The following CPA6 variants were observed in gnomAD, a reference collection of about 807,000 sequenced individuals.
CPA6 encodes the protein carboxypeptidase A6, also known as carboxypeptidase B.
Under a neutral mutation model 63.3 loss-of-function variants are expected in CPA6, and 58 were observed. That is an observed-to-expected ratio of 0.92 (90% CI 0.74 to 1.14). The LOEUF (loss-of-function observed/expected upper bound fraction) is 1.14, where lower values mean the gene tolerates loss of function less well. Ranked by LOEUF, CPA6 falls within the 50% of genes most tolerant of loss-of-function variation. CPA6 has a pLI of 0.00. For missense variants in CPA6, 565 were observed against 526.6 expected (o/e 1.07, Z -0.71); for synonymous variants, 185 against 179.0 (o/e 1.03, Z -0.27).
At chr8:67,710,937 A>C (rs141710445) in intron 1 of CPA6, among the ~76,000 whole-genome samples, 11 of 152,366 alleles carry the variant, frequency 7.2e-5, no homozygotes, top group African/African-American at 2.6e-4. Flanking sequence ...CCATTGTCTT[A>C]GTAATAAAAA....
At chr8:67,494,253 T>C (rs573978466) in intron 6 of CPA6, among the ~76,000 whole-genome samples, 1 of 152,310 alleles carries the variant, frequency 6.6e-6, no homozygotes, top group South Asian at 2.1e-4. Context: ...TTCTTCATCA[T>C]TAAATACTAT....
chr8:67,524,613 C>CTTTTTTTTTTTTTT (rs71554611), intron 2 of CPA6, among the ~76,000 whole-genome samples: 1 of 149,820 alleles, frequency 6.7e-6, no homozygotes, highest in Non-Finnish European at 1.5e-5. Flanking sequence ...TTTGAAAAAA[C>CTTTTTTTTTTTTTT]TTTTTTTGTT....
At chr8:67,646,211 C>G (rs384021) in intron 1 of CPA6, among the ~76,000 whole-genome samples, 2 of 152,246 alleles carry the variant, frequency 1.3e-5, no homozygotes, top group Non-Finnish European at 2.9e-5. Context: ...ACTCCAGTTT[C>G]TAGGAGTTCT....
At chr8:67,679,204 T>C (rs767190355) in intron 1 of CPA6, among the ~76,000 whole-genome samples, 2 of 152,150 alleles carry the variant, frequency 1.3e-5, no homozygotes, top group African/African-American at 2.4e-5. Flanking sequence ...GTTATACCCA[T>C]AAAAAGTTGA....
chr8:67,490,432 T>G (rs1811578856), intron 6 of CPA6, among the ~76,000 whole-genome samples: 1 of 152,196 alleles, frequency 6.6e-6, no homozygotes. Flanking sequence ...AGTCGGGATC[T>G]GAAAGCCAGT....
At chr8:67,558,118 A>G (rs1813110991) in intron 2 of CPA6, among the ~76,000 whole-genome samples, 1 of 152,090 alleles carries the variant, frequency 6.6e-6, no homozygotes, top group Non-Finnish European at 1.5e-5. Context: ...GTTTATTTCC[A>G]TCAAACAGCT....
chr8:67,623,348 T>C (rs1245543919), intron 2 of CPA6, among the ~76,000 whole-genome samples: 2 of 152,104 alleles, frequency 1.3e-5, no homozygotes, highest in Non-Finnish European at 2.9e-5. Context: ...AACTCTCTCA[T>C]GAAATTTACA....
intron 1 of CPA6, among the ~76,000 whole-genome samples, chr8:67,633,442 G>A (rs1297090759): frequency 6.6e-6 from 1 of 152,160 alleles, no homozygotes. Flanking sequence ...AGCACTTTGG[G>A]AGGCCAAGGC....
chr8:67,496,642 C>A (rs897466236), intron 6 of CPA6, among the ~76,000 whole-genome samples: 2 of 149,022 alleles, frequency 1.3e-5, no homozygotes, highest in Admixed American at 6.7e-5. Flanking sequence ...CAGATTGCAA[C>A]CTCCGCCTCC....
intron 1 of CPA6, among the ~76,000 whole-genome samples, chr8:67,705,523 C>T (rs1817115678): frequency 6.6e-6 from 1 of 152,150 alleles, no homozygotes; most frequent in Admixed American, 6.5e-5. Context: ...TTTAAGGGAC[C>T]AATTACCATT....
intron 1 of CPA6, among the ~76,000 whole-genome samples, chr8:67,660,490 C>T (rs560380738): frequency 1.3e-4 from 19 of 141,166 alleles, no homozygotes; most frequent in African/African-American, 4.4e-4. Flanking sequence ...GCATCATGCC[C>T]GGCTCATTTT....
chr8:67,694,853 G>A (rs536185725), intron 1 of CPA6, among the ~76,000 whole-genome samples: 85 of 152,242 alleles, frequency 5.6e-4, no homozygotes, highest in African/African-American at 1.9e-3. Flanking sequence ...CTGGTTATTC[G>A]CTTTGCTTGG....
chr8:67,606,083 C>CA (rs869258101), intron 2 of CPA6, among the ~76,000 whole-genome samples: 1 of 119,516 alleles, frequency 8.4e-6, no homozygotes, highest in Non-Finnish European at 1.6e-5. Flanking sequence ...ATTTCAAGGA[C>CA]AAAAAAACAA....
rs11379483 is a variant in CPA6 at position 67,491,223 on chromosome 8, GT to G, written c.637-6435del. On this transcript the variant is annotated intron_variant, in intron 6 of 10. Coordinates refer to ENST00000297770, the MANE Select transcript of CPA6 (RefSeq NM_020361.5). ...GGAGTCGGGGAGAGTTTACAGGGAA[GT>G]TTTTTTTTTTTTTTTTTTCAAAGGG... 7.2e-3 allele frequency among the ~76,000 whole-genome samples: 897 copies of G among 125,444 alleles called. 9 individuals are homozygous for G. Among genetic ancestry groups the G allele is most frequent in the African/African-American group, 0.022 (736 of 34,130 alleles). The allele number at this position is 125,444 out of a possible 152,430, so 82.3% of individuals were successfully genotyped here.
At chr8:67,496,519 TTATATATATATATATATATATATA>T (rs1163959938) in intron 6 of CPA6, among the ~76,000 whole-genome samples, 67 of 94,124 alleles carry the variant, frequency 7.1e-4, no homozygotes, top group African/African-American at 3.1e-3. Context: ...ACTATATAGT[TTATATATATATATATATATATATA>T]TATATATATA....
At chr8:67,494,039 T>C (rs1811659514) in intron 6 of CPA6, among the ~76,000 whole-genome samples, 1 of 152,214 alleles carries the variant, frequency 6.6e-6, no homozygotes, top group Non-Finnish European at 1.5e-5. Context: ...ATAGTCATTT[T>C]TGACATGTTT....
At chr8:67,427,230 T>C (rs1288869360) in intron 10 of CPA6, among the ~76,000 whole-genome samples, 1 of 152,312 alleles carries the variant, frequency 6.6e-6, no homozygotes, top group East Asian at 1.9e-4. Flanking sequence ...TTATCTTCCA[T>C]TGGTTTTACA....
intron 2 of CPA6, among the ~76,000 whole-genome samples, chr8:67,576,405 T>C (rs980723065): frequency 1.3e-5 from 2 of 152,250 alleles, no homozygotes; most frequent in Non-Finnish European, 2.9e-5. Flanking sequence ...AAGATTTGAT[T>C]TGATACATTG....
chr8:67,475,256 T>C (rs1051577316), intron 8 of CPA6, among the ~76,000 whole-genome samples: 3 of 152,210 alleles, frequency 2.0e-5, no homozygotes, highest in Non-Finnish European at 4.4e-5. Context: ...GCAGATAAGA[T>C]TGTTTTAGAT....
Sources: allele counts gnomAD v4.1 joint callset (sites outside exome capture counted in the v4.1 genomes callset), GRCh38; gene constraint gnomAD v4.1.1; transcripts MANE v1.5; gene names NCBI Gene and HGNC (gene_info 2026-07-23, HGNC 2026-07-21).